TLCD4: variants seen among roughly 807,000 people sequenced by gnomAD.
The protein encoded by TLCD4 is TLC domain-containing protein 4.
TLCD4 carries 7 observed loss-of-function variants against 24.2 expected under a neutral mutation model. The ratio of observed to expected loss-of-function variants is 0.29; its 90% CI spans 0.16 to 0.54. The LOEUF is 0.54. Among genes scored for constraint, TLCD4 ranks in the 20% least tolerant of loss-of-function variants. The pLI is 0.95. For missense variants in TLCD4, 259 were observed against 313.9 expected (o/e 0.82, Z 1.32); for synonymous variants, 103 against 106.4 (o/e 0.97, Z 0.20).
chr1:95,171,485 C>T (rs1678220968), intron 5 of TLCD4, among the ~76,000 whole-genome samples: 1 of 152,112 alleles, frequency 6.6e-6, no homozygotes, highest in Non-Finnish European at 1.5e-5. Flanking sequence ...GTTGGATTAA[C>T]TGTTTTGATT....
chr1:95,156,761 A>G (rs1677643622), intron 5 of TLCD4, among the ~76,000 whole-genome samples: 1 of 152,178 alleles, frequency 6.6e-6, no homozygotes. Context: ...AAAGACCAAA[A>G]TGATCCAGAG....
intron 6 of TLCD4, 151 bp from the exon 7 acceptor site, chr1:95,191,399 C>T (rs1163448799): frequency 1.1e-6 from 1 of 924,674 alleles, no homozygotes; most frequent in Non-Finnish European, 1.5e-6. Context: ...TAGTGTGAGT[C>T]CTCCAACTTT....
At chr1:95,189,000 A>G (rs1678932917) in intron 6 of TLCD4, among the ~76,000 whole-genome samples, 1 of 152,180 alleles carries the variant, frequency 6.6e-6, no homozygotes, top group Admixed American at 6.5e-5. Flanking sequence ...TTCTGTATGT[A>G]TGCATTTATA....
the TLCD4 span, among the ~76,000 whole-genome samples, chr1:95,095,605 G>T: frequency 6.6e-6 from 1 of 152,068 alleles, no homozygotes; most frequent in Non-Finnish European, 1.5e-5. Flanking sequence ...CACCGTGTTA[G>T]CCAGGATGGT....
In TLCD4 at chr1:95,193,505, T is replaced by C. The variant is rs1159694403; in HGVS notation, c.*1637T>C. On this transcript the variant is annotated 3_prime_UTR_variant, in exon 7 of 7. Coordinates refer to ENST00000370203, the MANE Select transcript of TLCD4 (RefSeq NM_152487.3). ...AATTAATTGAACTCATACCAAAAGA[T>C]GTAATCCAGTTTCTCAGTTTGAAGG... The C allele has an allele frequency of 6.6e-6, 1 of 152,140 alleles. No individual in the cohort carries two copies. Among genetic ancestry groups the C allele is most frequent in the East Asian group, 1.9e-4 (1 of 5,198 alleles). The allele number at this position is 152,140 out of a possible 1,614,324, so 9.4% of individuals were successfully genotyped here.
At chr1:95,161,492 C>T (rs1245539712) in intron 5 of TLCD4, among the ~76,000 whole-genome samples, 10 of 152,160 alleles carry the variant, frequency 6.6e-5, no homozygotes, top group African/African-American at 4.8e-5. Flanking sequence ...GTTTTTGTGT[C>T]TCTATCTCCT....
At position 95,191,842 on chromosome 1, in the gene TLCD4, A is replaced by G. The variant is rs1679040085; in HGVS notation, c.766A>G (p.Ser256Gly). The G allele has an allele frequency of 6.2e-7, 1 of 1,613,920 alleles. No individual in the cohort carries two copies. The highest frequency in any genetic ancestry group is 1.7e-5 in the Admixed American group (1 of 59,974). Reference sequence around the variant, plus strand: ...CATCAGACAAGAGAAAGCCAAAAATAGTCTTCAGAATGGAAAACTTGATTA... The same window carrying G: ...CATCAGACAAGAGAAAGCCAAAAATGGTCTTCAGAATGGAAAACTTGATTA... ...SHIRQEKAKN[S>G]LQNGKLD The change falls in exon 7 of 7, where the codon AGT becomes GGT. Residue 256 changes from serine (S) to glycine (G), a missense_variant. Physicochemically the swap from Ser to Gly is moderately conservative, Grantham distance 56. Coordinates refer to ENST00000370203, the MANE Select transcript of TLCD4 (RefSeq NM_152487.3).
At chr1:95,173,378 C>CGGCT in intron 5 of TLCD4, among the ~76,000 whole-genome samples, 1 of 151,494 alleles carries the variant, frequency 6.6e-6, no homozygotes, top group East Asian at 1.9e-4. Flanking sequence ...GGTGCGACCT[C>CGGCT]GGCTCACTGC....
intron 1 of TLCD4, among the ~76,000 whole-genome samples, chr1:95,132,442 G>T (rs1676922307): frequency 8.3e-6 from 1 of 121,170 alleles, no homozygotes; most frequent in Non-Finnish European, 1.6e-5. Context: ...GGGTGACTGA[G>T]TGAGACTCCA....
At chr1:95,102,857 TGCA>T in the TLCD4 span, among the ~76,000 whole-genome samples, 3 of 152,086 alleles carry the variant, frequency 2.0e-5, no homozygotes, top group African/African-American at 7.2e-5. Flanking sequence ...GCTAGGGGAA[TGCA>T]GCAAGAGCTA....
the TLCD4 span, among the ~76,000 whole-genome samples, chr1:95,110,066 G>A: frequency 1.4e-5 from 2 of 147,668 alleles, no homozygotes; most frequent in African/African-American, 2.5e-5. Flanking sequence ...ACATATACAC[G>A]TACATGTGAG....
chr1:95,137,010 G>A (rs952102749), intron 1 of TLCD4, among the ~76,000 whole-genome samples: 3 of 152,172 alleles, frequency 2.0e-5, no homozygotes, highest in African/African-American at 7.2e-5. Context: ...TACATGGCGG[G>A]TGGTGAAATC....
At chr1:95,189,454 G>A (rs1477058502) in intron 6 of TLCD4, among the ~76,000 whole-genome samples, 1 of 152,112 alleles carries the variant, frequency 6.6e-6, no homozygotes, top group Non-Finnish European at 1.5e-5. Flanking sequence ...GTGCACTTCT[G>A]TGGGTTTTGA....
the TLCD4 span, among the ~76,000 whole-genome samples, chr1:95,107,898 G>A: frequency 6.6e-6 from 1 of 152,118 alleles, no homozygotes; most frequent in Non-Finnish European, 1.5e-5. Context: ...AAATGATGGT[G>A]GGGAGACCAA....
At chr1:95,135,811 C>T in intron 1 of TLCD4, among the ~76,000 whole-genome samples, 1 of 152,124 alleles carries the variant, frequency 6.6e-6, no homozygotes, top group African/African-American at 2.4e-5. Context: ...TCTCCGCCTC[C>T]TGGGCTCAAG....
At chr1:95,174,023 A>G in intron 6 of TLCD4, 134 bp downstream of exon 6, 1 of 1,294,606 alleles carries the variant, frequency 7.7e-7, no homozygotes, top group Non-Finnish European at 1.0e-6. Flanking sequence ...TCACCATCAT[A>G]CAAATGAGGA....
intron 1 of TLCD4, chr1:95,138,701 C>T (rs1677112631): frequency 6.6e-6 from 1 of 151,346 alleles, no homozygotes; most frequent in African/African-American, 2.4e-5. Flanking sequence ...CTAAATACTA[C>T]ATTGTATAGT....
At chr1:95,118,723 G>A (rs374847981) in intron 1 of TLCD4, among the ~76,000 whole-genome samples, 45 of 152,306 alleles carry the variant, frequency 3.0e-4, no homozygotes, top group African/African-American at 1.0e-3. Flanking sequence ...AAGGTAATAA[G>A]TTAGAGAATC....
the TLCD4 span, among the ~76,000 whole-genome samples, chr1:95,098,175 G>A: frequency 3.3e-5 from 5 of 151,818 alleles, no homozygotes; most frequent in Admixed American, 2.6e-4. Context: ...AGAAGATTCT[G>A]GCTCAAAGAG....
Sources: allele counts gnomAD v4.1 joint callset (sites outside exome capture counted in the v4.1 genomes callset), GRCh38; gene constraint gnomAD v4.1.1; transcripts MANE v1.5; gene names NCBI Gene and HGNC (gene_info 2026-07-23, HGNC 2026-07-21).